CNTNAP2: variants seen among roughly 807,000 people sequenced by gnomAD.
CNTNAP2 encodes the protein contactin associated protein 2.
CNTNAP2 carries 98 observed loss-of-function variants against 155.2 expected under a neutral mutation model. The observed-to-expected ratio is 0.63, with a 90% confidence interval of 0.54 to 0.75. CNTNAP2 has a LOEUF of 0.75. Among genes scored for constraint, CNTNAP2 ranks in the 30% least tolerant of loss-of-function variants. The pLI, the probability that CNTNAP2 is intolerant of heterozygous loss-of-function variation, is 0.00. For missense variants in CNTNAP2, 1,727 were observed against 1,688.1 expected, an observed-to-expected ratio of 1.02 and a Z score of -0.40; for synonymous variants, 651 against 631.2, an observed-to-expected ratio of 1.03 and a Z score of -0.47.
intron 1 of CNTNAP2, among the ~76,000 whole-genome samples, chr7:146,400,599 A>G (rs1795700605): frequency 6.6e-6 from 1 of 152,212 alleles, no homozygotes; most frequent in Non-Finnish European, 1.5e-5. Flanking sequence ...ATAGTGAGTA[A>G]AAGTCTGCAT....
chr7:147,204,038 C>T (rs1264296644), intron 8 of CNTNAP2, among the ~76,000 whole-genome samples: 2 of 151,738 alleles, frequency 1.3e-5, no homozygotes, highest in East Asian at 1.9e-4. Context: ...ATGTAAAGCT[C>T]TTAACTTTCC....
intron 23 of CNTNAP2, among the ~76,000 whole-genome samples, chr7:148,409,794 G>A (rs1413317064): frequency 3.5e-5 from 4 of 114,800 alleles, no homozygotes; most frequent in Non-Finnish European, 5.6e-5. Flanking sequence ...GCTCACGCCT[G>A]TAATCCCAGC....
At chr7:147,663,180 G>T (rs74758956) in intron 13 of CNTNAP2, among the ~76,000 whole-genome samples, 3 of 14,326 alleles carry the variant, frequency 2.1e-4, no homozygotes, top group African/African-American at 2.3e-4. Context: ...TGTAATTTTC[G>T]TAGGGACGGG....
intron 11 of CNTNAP2, among the ~76,000 whole-genome samples, chr7:147,528,612 A>C (rs1395656256): frequency 6.6e-6 from 1 of 152,148 alleles, no homozygotes; most frequent in Non-Finnish European, 1.5e-5. Context: ...TACATCTTAC[A>C]TGTTCCTGGT....
At chr7:147,695,638 C>T (rs1212347289) in intron 13 of CNTNAP2, among the ~76,000 whole-genome samples, 1 of 151,968 alleles carries the variant, frequency 6.6e-6, no homozygotes, top group Non-Finnish European at 1.5e-5. Flanking sequence ...ACTGTCTGTA[C>T]TGAAAATACA....
At chr7:148,186,168 C>A (rs889715783) in intron 18 of CNTNAP2, among the ~76,000 whole-genome samples, 1 of 152,154 alleles carries the variant, frequency 6.6e-6, no homozygotes, top group Non-Finnish European at 1.5e-5. Context: ...CAAAGTATGT[C>A]GTGGTTGAAA....
chr7:147,499,531 A>G (rs529245397), intron 11 of CNTNAP2, among the ~76,000 whole-genome samples: 1 of 152,136 alleles, frequency 6.6e-6, no homozygotes, highest in African/African-American at 2.4e-5. Context: ...TCTGTCTCAA[A>G]AAAAAAATAC....
intron 18 of CNTNAP2, among the ~76,000 whole-genome samples, chr7:148,213,875 C>T (rs536316200): frequency 6.6e-6 from 1 of 152,204 alleles, no homozygotes; most frequent in Non-Finnish European, 1.5e-5. Context: ...ATCCCCAACA[C>T]CCAGCTGAAA....
chr7:148,207,216 C>T (rs1437805844), intron 18 of CNTNAP2, among the ~76,000 whole-genome samples: 2 of 152,348 alleles, frequency 1.3e-5, no homozygotes, highest in Admixed American at 1.3e-4. Flanking sequence ...AGGATGTGCA[C>T]TCTTACAGTG....
intron 1 of CNTNAP2, among the ~76,000 whole-genome samples, chr7:146,483,308 T>C (rs1447308087): frequency 0.023 from 2,598 of 112,198 alleles, 199 homozygotes; most frequent in South Asian, 0.033. Flanking sequence ...TATATATATA[T>C]ATATATATAT....
chr7:146,145,757 T>A (rs1797948735), intron 1 of CNTNAP2, among the ~76,000 whole-genome samples: 1 of 152,184 alleles, frequency 6.6e-6, no homozygotes, highest in African/African-American at 2.4e-5. Flanking sequence ...AAATTCAATG[T>A]ATTTGTACCT....
At chr7:146,719,789 G>C (rs752464252) in intron 1 of CNTNAP2, among the ~76,000 whole-genome samples, 1 of 151,150 alleles carries the variant, frequency 6.6e-6, no homozygotes, top group African/African-American at 2.4e-5. Flanking sequence ...TGATTTTGTT[G>C]TTTATTTTTT....
intron 1 of CNTNAP2, among the ~76,000 whole-genome samples, chr7:146,768,276 A>G (rs185979969): frequency 1.3e-4 from 20 of 151,432 alleles, no homozygotes; most frequent in Admixed American, 6.6e-4. Flanking sequence ...AAGCTCTTCT[A>G]TGGCTTCCCA....
chr7:147,695,666 G>A (rs562327252), intron 13 of CNTNAP2, among the ~76,000 whole-genome samples: 2 of 152,092 alleles, frequency 1.3e-5, no homozygotes, highest in Non-Finnish European at 2.9e-5. Context: ...GCTAGGCTTG[G>A]TGGTGCATGC....
intron 19 of CNTNAP2, among the ~76,000 whole-genome samples, chr7:148,224,344 T>G (rs181070497): frequency 1.8e-4 from 28 of 151,540 alleles, no homozygotes; most frequent in African/African-American, 6.0e-4. Context: ...GAGTAAACAC[T>G]GAGGGGTGGA....
intron 1 of CNTNAP2, among the ~76,000 whole-genome samples, chr7:146,632,472 A>G (rs1799525376): frequency 6.6e-6 from 1 of 152,086 alleles, no homozygotes; most frequent in Non-Finnish European, 1.5e-5. Flanking sequence ...ATTTAGACTT[A>G]AGTAACATTG....
At chr7:146,332,284 CTATT>C (rs747262589) in intron 1 of CNTNAP2, among the ~76,000 whole-genome samples, 8 of 151,656 alleles carry the variant, frequency 5.3e-5, no homozygotes, top group East Asian at 1.9e-4. Context: ...AATTTTAAAA[CTATT>C]TATTCAAAAA....
At chr7:146,202,699 C>A (rs1562988444) in intron 1 of CNTNAP2, among the ~76,000 whole-genome samples, 1 of 151,526 alleles carries the variant, frequency 6.6e-6, no homozygotes, top group Non-Finnish European at 1.5e-5. Context: ...AAATTGCATT[C>A]ATAAAATATT....
chr7:147,984,794 A>T (rs936344346), intron 15 of CNTNAP2, among the ~76,000 whole-genome samples: 1 of 152,054 alleles, frequency 6.6e-6, no homozygotes, highest in African/African-American at 2.4e-5. Context: ...GCAGGGGAGG[A>T]GAGGAACTTC....
Sources: gnomAD v4.1 joint callset for allele counts (sites outside exome capture counted in the v4.1 genomes callset) on GRCh38, gnomAD v4.1.1 for gene constraint, MANE v1.5 for transcripts, NCBI Gene and HGNC (gene_info 2026-07-23, HGNC 2026-07-21) for gene names.